GMDS: variants seen among roughly 807,000 people sequenced by gnomAD.
GMDS encodes GDP-mannose 4,6 dehydratase.
GMDS carries 20 observed loss-of-function variants against 49.9 expected under a neutral mutation model. The ratio of observed to expected loss-of-function variants is 0.40; its 90% CI spans 0.28 to 0.58. The LOEUF (loss-of-function observed/expected upper bound fraction) is 0.58, where lower values mean the gene tolerates loss of function less well. Ranked by LOEUF, GMDS falls within the 20% of genes least tolerant of loss-of-function variation. GMDS has a pLI of 0.42. For synonymous variants in GMDS, 177 were observed against 178.6 expected, an observed-to-expected ratio of 0.99 and a Z score of 0.07; for missense variants, 362 against 481.4, an observed-to-expected ratio of 0.75 and a Z score of 2.32.
chr6:1,744,831 CAAGTCTAGCCACTGG>C (rs1767417160), intron 7 of GMDS, among the ~76,000 whole-genome samples: 1 of 152,256 alleles, frequency 6.6e-6, no homozygotes, highest in Non-Finnish European at 1.5e-5. Context: ...ACCAGGGTCC[CAAGTCTAGCCACTGG>C]AATGAATTCC....
At chr6:2,165,293 C>T (rs777905143) in intron 1 of GMDS, among the ~76,000 whole-genome samples, 22 of 152,208 alleles carry the variant, frequency 1.4e-4, no homozygotes, top group Admixed American at 2.0e-4. Flanking sequence ...GCAGTCCACA[C>T]GCTGAAGAGC....
At chr6:1,871,061 C>T (rs1483083247) in intron 7 of GMDS, among the ~76,000 whole-genome samples, 1 of 130,572 alleles carries the variant, frequency 7.7e-6, no homozygotes, top group Non-Finnish European at 1.5e-5. Flanking sequence ...TCCCCCAGCA[C>T]ACACACACAC....
chr6:2,204,118 T>G (rs1469179409), intron 1 of GMDS, among the ~76,000 whole-genome samples: 1 of 152,320 alleles, frequency 6.6e-6, no homozygotes, highest in South Asian at 2.1e-4. Context: ...AGGGTTAAGA[T>G]TCACACCATT....
chr6:1,804,361 G>A (rs1770079790), intron 7 of GMDS, among the ~76,000 whole-genome samples: 1 of 152,260 alleles, frequency 6.6e-6, no homozygotes, highest in African/African-American at 2.4e-5. Context: ...CTCACGGCTG[G>A]CCAGCGGGCA....
At chr6:2,116,051 T>A (rs1774830034) in intron 3 of GMDS, among the ~76,000 whole-genome samples, 171 bp from the exon 4 acceptor site, 1 of 152,192 alleles carries the variant, frequency 6.6e-6, no homozygotes, top group Non-Finnish European at 1.5e-5. Flanking sequence ...TTTACCTAAA[T>A]AATAGAAAGA....
In GMDS at chr6:2,041,403, G is replaced by C. The variant is rs1404698867; in HGVS notation, c.345+74368C>G. On this transcript the variant is annotated intron_variant, in intron 4 of 10. Coordinates refer to ENST00000380815, the MANE Select transcript of GMDS (RefSeq NM_001500.4). ...CACTAATGGACCACAGGTAATGATAGTAACACCCATGACATTTATCTCAGA... is the reference window on the plus strand; with the variant it reads ...CACTAATGGACCACAGGTAATGATACTAACACCCATGACATTTATCTCAGA... 2.6e-5 allele frequency among the ~76,000 whole-genome samples: 4 copies of C among 152,178 alleles called. No homozygotes were observed. The East Asian group carries it at 7.7e-4, about 29-fold the overall frequency.
At chr6:2,161,829 G>A (rs1777415398) in intron 1 of GMDS, among the ~76,000 whole-genome samples, 1 of 152,188 alleles carries the variant, frequency 6.6e-6, no homozygotes, top group South Asian at 2.1e-4. Context: ...CTTCCTGGCT[G>A]TGACTCAGAC....
intron 7 of GMDS, among the ~76,000 whole-genome samples, chr6:1,912,353 G>A (rs1194372735): frequency 2.6e-5 from 4 of 151,636 alleles, no homozygotes; most frequent in African/African-American, 7.3e-5. Flanking sequence ...GCAACAGAGT[G>A]AGACTTTGTC....
At chr6:1,853,581 T>C (rs1010068955) in intron 7 of GMDS, among the ~76,000 whole-genome samples, 1 of 150,798 alleles carries the variant, frequency 6.6e-6, no homozygotes. Flanking sequence ...TGTGTGTGTG[T>C]GTATACACAT....
At chr6:2,029,078 A>G (rs1236061209) in intron 4 of GMDS, among the ~76,000 whole-genome samples, 1 of 151,600 alleles carries the variant, frequency 6.6e-6, no homozygotes, top group Non-Finnish European at 1.5e-5. Flanking sequence ...AGATAATTAT[A>G]TATGTTTAAG....
At position 2,124,552 on chromosome 6, in the gene GMDS, TC is replaced by T. The variant is rs1326535329; in HGVS notation, c.147+134del. On this transcript the variant is annotated intron_variant, in intron 2 of 10. Coordinates refer to ENST00000380815, the MANE Select transcript of GMDS (RefSeq NM_001500.4). ...CAGGCTCACAAGCCCAAAGACACATTCTTCCCCGGATTCTGATTTGTTATCT... is the reference window on the plus strand; with the variant it reads ...CAGGCTCACAAGCCCAAAGACACATTTTCCCCGGATTCTGATTTGTTATCT... 8.1e-6 allele frequency: 6 copies of T among 737,094 alleles called. 1 individual carries two copies. Among genetic ancestry groups the T allele is most frequent in the East Asian group, 7.9e-5 (3 of 37,736 alleles). The allele number at this position is 737,094 out of a possible 1,614,324, so 45.7% of individuals were successfully genotyped here. A position where few individuals can be genotyped will look rare whatever the true frequency, so the allele number is the denominator to read the frequency against.
intron 6 of GMDS, chr6:1,949,016 C>G (rs1275384342): frequency 1.1e-6 from 1 of 929,786 alleles, no homozygotes; most frequent in Non-Finnish European, 1.3e-6. Flanking sequence ...CCAGTAGCCA[C>G]AGCAATCCCA....
chr6:2,218,623 A>C (rs1274923291), intron 1 of GMDS, among the ~76,000 whole-genome samples: 1 of 152,226 alleles, frequency 6.6e-6, no homozygotes, highest in Non-Finnish European at 1.5e-5. Context: ...GAGAGTACAG[A>C]ACATTATCTT....
At chr6:1,883,168 G>A (rs981886070) in intron 7 of GMDS, among the ~76,000 whole-genome samples, 1 of 152,142 alleles carries the variant, frequency 6.6e-6, no homozygotes, top group South Asian at 2.1e-4. Flanking sequence ...TGAGGCAGAA[G>A]AATCACGAGG....
intron 9 of GMDS, among the ~76,000 whole-genome samples, chr6:1,714,736 C>G (rs887235997): frequency 1.3e-5 from 2 of 152,208 alleles, no homozygotes; most frequent in African/African-American, 4.8e-5. Flanking sequence ...AGTTGGCAGT[C>G]GTACTCTCTT....
chr6:1,799,941 T>C (rs1027192550), intron 7 of GMDS, among the ~76,000 whole-genome samples: 3 of 152,184 alleles, frequency 2.0e-5, no homozygotes, highest in Non-Finnish European at 2.9e-5. Flanking sequence ...AGGGTTAAGA[T>C]AGTAGGTCAT....
chr6:1,732,485 G>A (rs1421678344), intron 8 of GMDS, among the ~76,000 whole-genome samples: 1 of 152,182 alleles, frequency 6.6e-6, no homozygotes, highest in Non-Finnish European at 1.5e-5. Flanking sequence ...TGGGTCAAGG[G>A]GAGAAGAAGA....
chr6:1,674,560 C>CTTTTTTTTT lies in GMDS; in HGVS notation c.988-50029_988-50021dup, dbSNP rs869292549. ...CAACTCATCAACTCTCTCTCTCTCT[C>CTTTTTTTTT]TTTTTTTTTTTTTTTTTTTTTTTTG... On this transcript the variant is annotated intron_variant, in intron 9 of 10. Coordinates refer to ENST00000380815, the MANE Select transcript of GMDS (RefSeq NM_001500.4). Among the ~76,000 whole-genome samples, 31 of 73,458 alleles carry CTTTTTTTTT rather than the reference C, an allele frequency of 4.2e-4. 2 individuals are homozygous for CTTTTTTTTT. Among genetic ancestry groups the CTTTTTTTTT allele is most frequent in the Admixed American group, 7.6e-4 (4 of 5,256 alleles). 48.2% of individuals were successfully genotyped at this position (73,458 alleles called of 152,430 possible).
At chr6:2,083,091 A>G (rs190386518) in intron 4 of GMDS, among the ~76,000 whole-genome samples, 3 of 152,346 alleles carry the variant, frequency 2.0e-5, no homozygotes, top group East Asian at 3.9e-4. Context: ...AACAACTTAA[A>G]CAATTTCTCC....
Sources: allele counts gnomAD v4.1 joint callset (sites outside exome capture counted in the v4.1 genomes callset), GRCh38; gene constraint gnomAD v4.1.1; transcripts MANE v1.5; gene names NCBI Gene and HGNC (gene_info 2026-07-23, HGNC 2026-07-21).